The following XRN1 variants were observed in gnomAD, a reference collection of about 807,000 sequenced individuals.
The protein encoded by XRN1 is strand-exchange protein 1 homolog.
XRN1 carries 67 observed loss-of-function variants against 222.3 expected under a neutral mutation model. That is an observed-to-expected ratio of 0.30 (90% CI 0.25 to 0.37). The LOEUF is 0.37. Ranked by LOEUF, XRN1 falls within the 10% of genes least tolerant of loss-of-function variation. The pLI is 1.00. For missense variants in XRN1, 1,707 were observed against 2,000.2 expected (o/e 0.85, Z 2.80); for synonymous variants, 643 against 652.4 (o/e 0.99, Z 0.22).
At chr3:142,391,747 AAAATATATAT>A (rs1375728837) in intron 20 of XRN1, among the ~76,000 whole-genome samples, 46 of 108,396 alleles carry the variant, frequency 4.2e-4, no homozygotes, top group Middle Eastern at 4.5e-3. Flanking sequence ...AAAAAAAAAA[AAAATATATAT>A]ATATATATAT....
chr3:142,371,882 G>A (rs1234365697), intron 25 of XRN1, among the ~76,000 whole-genome samples: 2 of 152,064 alleles, frequency 1.3e-5, no homozygotes, highest in Admixed American at 1.3e-4. Context: ...GGTATCTGGT[G>A]GCATATATAA....
At chr3:142,352,440 A>G (rs1052206329) in intron 32 of XRN1, among the ~76,000 whole-genome samples, 1 of 151,908 alleles carries the variant, frequency 6.6e-6, no homozygotes, top group African/African-American at 2.4e-5. Context: ...TTGTCACCTT[A>G]ATTTTTTTCT....
rs575935009 is a variant in XRN1 at position 142,312,846 on chromosome 3, G to A, written c.4622-88C>T. 4.3e-6 allele frequency: 6 copies of A among 1,408,258 alleles called. No homozygotes were observed. In the Admixed American group the frequency reaches 6.8e-5, roughly 16 times the overall value. 87.2% of individuals were successfully genotyped at this position (1,408,258 alleles called of 1,614,324 possible). A position where few individuals can be genotyped will look rare whatever the true frequency, so the allele number is the denominator to read the frequency against. On this transcript the variant is annotated intron_variant, in intron 39 of 40. Transcript: ENST00000392981. ...GAGACCTCCTTCTGCTAGCCTTTTT[G>A]GGCTTTTTTTTTCCCCTTTGGCAAA...
At chr3:142,349,637 T>A (rs1251809612) in intron 32 of XRN1, among the ~76,000 whole-genome samples, 1 of 152,154 alleles carries the variant, frequency 6.6e-6, no homozygotes. Flanking sequence ...CTTTAGGGTG[T>A]TCTGTTTGAT....
intron 30 of XRN1, among the ~76,000 whole-genome samples, chr3:142,357,430 A>T (rs73867026): frequency 7.8e-6 from 1 of 128,856 alleles, no homozygotes; most frequent in Admixed American, 7.2e-5. Flanking sequence ...TTATGAATTA[A>T]TTTTTTTTTT....
At chr3:142,340,304 G>A (rs911746179) in intron 33 of XRN1, among the ~76,000 whole-genome samples, 6 of 151,938 alleles carry the variant, frequency 3.9e-5, no homozygotes, top group Admixed American at 3.3e-4. Context: ...GCGGTGAGCT[G>A]AGATTGCACC....
At chr3:142,328,641 A>ATTAGGTGAAAG (rs1296783214) in intron 37 of XRN1, among the ~76,000 whole-genome samples, 5 of 143,920 alleles carry the variant, frequency 3.5e-5, no homozygotes, top group African/African-American at 1.2e-4. Flanking sequence ...ACAGATGTCT[A>ATTAGGTGAAAG]TTAGGTGAAA....
intron 37 of XRN1, among the ~76,000 whole-genome samples, chr3:142,321,094 T>C (rs1449149111): frequency 2.0e-5 from 3 of 149,068 alleles, no homozygotes; most frequent in African/African-American, 7.4e-5. Context: ...TGCTGAAAGA[T>C]CATCCACTTC....
chr3:142,332,616 T>G (rs2065731876), intron 35 of XRN1, 82 bp from the exon 36 acceptor site: 13 of 1,297,158 alleles, frequency 1.0e-5, no homozygotes, highest in Non-Finnish European at 1.1e-5. Flanking sequence ...TATTGATCTT[T>G]CTTGGAAAGA....
chr3:142,403,266 G>C (rs1476729587), intron 18 of XRN1, among the ~76,000 whole-genome samples: 2 of 152,052 alleles, frequency 1.3e-5, no homozygotes, highest in Non-Finnish European at 2.9e-5. Context: ...AAATAGTTCA[G>C]ATACACAAAA....
chr3:142,417,491 T>C (rs1047646799), intron 12 of XRN1, among the ~76,000 whole-genome samples: 115 of 152,218 alleles, frequency 7.6e-4, no homozygotes, highest in African/African-American at 2.6e-3. Flanking sequence ...ACCACTCCCT[T>C]GGTCCAAAGG....
intron 27 of XRN1, among the ~76,000 whole-genome samples, chr3:142,369,185 T>C (rs2066907564): frequency 6.6e-6 from 1 of 152,110 alleles, no homozygotes; most frequent in Admixed American, 6.5e-5. Context: ...TTGTGAAACA[T>C]GAAATAAAAA....
chr3:142,363,077 C>T (rs1298824198), intron 29 of XRN1, among the ~76,000 whole-genome samples: 1 of 152,098 alleles, frequency 6.6e-6, no homozygotes, highest in Non-Finnish European at 1.5e-5. Flanking sequence ...ACCAGGCTGG[C>T]AATTTTCTTT....
chr3:142,380,528 C>G (rs2067272956), intron 22 of XRN1, among the ~76,000 whole-genome samples: 2 of 152,108 alleles, frequency 1.3e-5, no homozygotes, highest in Admixed American at 6.6e-5. Flanking sequence ...GGATCTCGCT[C>G]TGTCATTCAG....
intron 25 of XRN1, among the ~76,000 whole-genome samples, chr3:142,373,028 A>C (rs2067032077): frequency 6.6e-6 from 1 of 152,222 alleles, no homozygotes; most frequent in Non-Finnish European, 1.5e-5. Context: ...ATCATCAGAC[A>C]AGAACAACAA....
chr3:142,393,843 T>A (rs570397052), intron 20 of XRN1, among the ~76,000 whole-genome samples: 2 of 152,236 alleles, frequency 1.3e-5, no homozygotes, highest in African/African-American at 4.8e-5. Flanking sequence ...CTTTTTTTTT[T>A]TTTGAGACAG....
intron 29 of XRN1, among the ~76,000 whole-genome samples, chr3:142,364,788 GT>G (rs2066764712): frequency 6.6e-6 from 1 of 151,994 alleles, no homozygotes; most frequent in South Asian, 2.1e-4. Flanking sequence ...TAATTTTAAT[GT>G]GATATAAAAC....
intron 37 of XRN1, among the ~76,000 whole-genome samples, chr3:142,324,410 A>G (rs77600880): frequency 0.61 from 92,573 of 151,608 alleles, 29,456 homozygotes; most frequent in African/African-American, 0.8. Context: ...CCATGTCCCT[A>G]CAAAGGACAT....
chr3:142,336,468 G>A (rs2065854714), intron 33 of XRN1, among the ~76,000 whole-genome samples: 1 of 151,146 alleles, frequency 6.6e-6, no homozygotes, highest in Non-Finnish European at 1.5e-5. Flanking sequence ...GAGGGAGGGA[G>A]GCAATATTAA....
Sources: allele counts gnomAD v4.1 joint callset (sites outside exome capture counted in the v4.1 genomes callset), GRCh38; gene constraint gnomAD v4.1.1; transcripts MANE v1.5; gene names NCBI Gene and HGNC (gene_info 2026-07-23, HGNC 2026-07-21).